Variants in ANKDD1B observed in about 807,000 individuals in gnomAD.
ANKDD1B encodes ankyrin repeat and death domain containing 1B, also known as ankyrin repeat and death domain-containing protein 1B.
Under a neutral mutation model 59.7 loss-of-function variants are expected in ANKDD1B, and 57 were observed. The observed-to-expected ratio is 0.95, with a 90% CI of 0.77 to 1.19. The LOEUF (loss-of-function observed/expected upper bound fraction) is 1.19. Among genes scored for constraint, ANKDD1B ranks in the 50% most tolerant of loss-of-function variants. ANKDD1B has a pLI of 0.00. For synonymous variants in ANKDD1B, 216 were observed against 239.5 expected (o/e 0.90, Z 0.91); for missense variants, 602 against 641.9 (o/e 0.94, Z 0.67).
intron 3 of ANKDD1B, among the ~76,000 whole-genome samples, chr5:75,624,745 T>C (rs1487111629): frequency 6.6e-6 from 1 of 152,338 alleles, no homozygotes; most frequent in African/African-American, 2.4e-5. Flanking sequence ...CATAGTCATA[T>C]CTATATTGAT....
chr5:75,659,455 A>G (rs1775060585), intron 10 of ANKDD1B, 74 bp downstream of exon 10: 1 of 1,052,528 alleles, frequency 9.5e-7, no homozygotes, highest in Non-Finnish European at 1.4e-6. Context: ...AGCCTTGAGC[A>G]GCGTTATTGG....
intron 9 of ANKDD1B, 32 bp downstream of exon 9, chr5:75,656,159 T>A: frequency 9.0e-7 from 1 of 1,110,684 alleles, no homozygotes; most frequent in Non-Finnish European, 1.3e-6. Context: ...CTGGAGGGTC[T>A]CTTTTCTTAG....
intron 7 of ANKDD1B, among the ~76,000 whole-genome samples, chr5:75,649,118 C>T (rs537859429): frequency 1.8e-4 from 27 of 151,872 alleles, no homozygotes; most frequent in Non-Finnish European, 3.8e-4. Flanking sequence ...GTCCTAAAAA[C>T]TCATTCCTGG....
chr5:75,648,798 G>T (rs1300773134), intron 7 of ANKDD1B, among the ~76,000 whole-genome samples: 1 of 152,158 alleles, frequency 6.6e-6, no homozygotes, highest in Non-Finnish European at 1.5e-5. Flanking sequence ...AGCCCGGGAT[G>T]GGTTGGACTT....
intron 10 of ANKDD1B, among the ~76,000 whole-genome samples, chr5:75,662,696 G>A (rs1268572290): frequency 6.6e-6 from 1 of 152,036 alleles, no homozygotes; most frequent in Non-Finnish European, 1.5e-5. Flanking sequence ...TGAGAAAAGT[G>A]TACCTTTTTG....
chr5:75,620,743 T>A (rs1174215269), intron 3 of ANKDD1B, among the ~76,000 whole-genome samples: 1 of 152,152 alleles, frequency 6.6e-6, no homozygotes, highest in Non-Finnish European at 1.5e-5. Flanking sequence ...CCCAGAGACA[T>A]CAAATATTGA....
intron 5 of ANKDD1B, among the ~76,000 whole-genome samples, chr5:75,626,599 G>C (rs992890960): frequency 2.0e-5 from 3 of 152,196 alleles, no homozygotes; most frequent in Non-Finnish European, 4.4e-5. Context: ...AGGAGAGGAA[G>C]TTGAGATTCA....
intron 7 of ANKDD1B, among the ~76,000 whole-genome samples, chr5:75,648,001 A>G (rs1327708977): frequency 1.5e-4 from 18 of 121,268 alleles, no homozygotes; most frequent in African/African-American, 3.7e-4. Context: ...CTATCACAAG[A>G]ACAAAAAACC....
chr5:75,632,343 A>G (rs1774188253), intron 5 of ANKDD1B, among the ~76,000 whole-genome samples: 1 of 152,212 alleles, frequency 6.6e-6, no homozygotes. Flanking sequence ...AGGGCTCTTT[A>G]TCTCTTCCTA....
At chr5:75,631,646 C>A (rs1774162876) in intron 5 of ANKDD1B, among the ~76,000 whole-genome samples, 1 of 152,246 alleles carries the variant, frequency 6.6e-6, no homozygotes, top group South Asian at 2.1e-4. Context: ...ATCTGGGGGT[C>A]CAAAGACAAT....
intron 5 of ANKDD1B, among the ~76,000 whole-genome samples, chr5:75,626,344 C>T (rs1189760124): frequency 6.6e-6 from 1 of 152,188 alleles, no homozygotes; most frequent in Non-Finnish European, 1.5e-5. Flanking sequence ...AAATACAATG[C>T]AGTTTTACTG....
chr5:75,653,281 G>A lies in ANKDD1B; in HGVS notation c.897+41G>A, dbSNP rs1034695675. On this transcript the variant is annotated intron_variant, in intron 8 of 13. Coordinates refer to ENST00000601380, the MANE Select transcript of ANKDD1B (RefSeq NM_001276713.2). ...TGACACGGGCTTTGGTCCTGGCGCC[G>A]TGAGGTTGGCTGTGTCAGGGAGATG... 5.5e-6 allele frequency: 8 copies of A among 1,446,152 alleles called. No individual in the cohort carries two copies. The African/African-American group carries it at 5.6e-5, about 10-fold the overall frequency. The allele number at this position is 1,446,152 out of a possible 1,614,324, so 89.6% of individuals were successfully genotyped here.
In ANKDD1B at chr5:75,671,344, G is replaced by C. The variant is rs1025893923; in HGVS notation, c.*304G>C. On this transcript the variant is annotated 3_prime_UTR_variant, in exon 14 of 14. Transcript: ENST00000601380. ...TCATGTTTTTTTAAAAAACTCATGGGAGCAGCATCATGGTACAGTAAAAAA... is the reference window on the plus strand; with the variant it reads ...TCATGTTTTTTTAAAAAACTCATGGCAGCAGCATCATGGTACAGTAAAAAA... 5 of 208,944 alleles carry C rather than the reference G, an allele frequency of 2.4e-5. No individual in the cohort carries two copies. Among genetic ancestry groups the C allele is most frequent in the Non-Finnish European group, 4.7e-5 (5 of 105,686 alleles). The allele number at this position is 208,944 out of a possible 1,614,324, so 12.9% of individuals were successfully genotyped here.
At chr5:75,666,105 T>C (rs1775299139) in intron 11 of ANKDD1B, among the ~76,000 whole-genome samples, 1 of 152,168 alleles carries the variant, frequency 6.6e-6, no homozygotes, top group Non-Finnish European at 1.5e-5. Context: ...CCGGTGTTTG[T>C]GGTTTGATTC....
rs1296570292 is a variant in ANKDD1B, at chr5:75,634,955, A to T, written c.658A>T (p.Lys220Ter). ...GAGGGGCCATGTTGAAATGATAGAAAAACTTACCTTCCTAAACCTGCATAC... is the reference window on the plus strand; with the variant it reads ...GAGGGGCCATGTTGAAATGATAGAATAACTTACCTTCCTAAACCTGCATAC... Reference protein sequence around the residue: ...AERGHVEMIEKLTFLNLHTSE... With the variant: ...AERGHVEMIE The change falls in exon 6 of 14, where the codon AAA (lysine) becomes TAA (stop). Residue 220 changes from lysine (K) to a stop codon, truncating the protein, a stop_gained. Transcript: ENST00000601380. LOFTEE classifies it high-confidence loss of function. 6.5e-7 allele frequency: 1 copy of T among 1,535,890 alleles called. No homozygotes were observed. The highest frequency in any genetic ancestry group is 2.0e-5 in the Admixed American group (1 of 50,998).
intron 7 of ANKDD1B, among the ~76,000 whole-genome samples, chr5:75,639,379 T>C (rs929756242): frequency 1.3e-5 from 2 of 152,206 alleles, no homozygotes; most frequent in African/African-American, 2.4e-5. Context: ...GTATATTTGG[T>C]AGAGACAGGG....
chr5:75,650,913 A>G (rs1262679297), intron 7 of ANKDD1B, among the ~76,000 whole-genome samples: 7 of 152,338 alleles, frequency 4.6e-5, no homozygotes, highest in South Asian at 2.1e-4. Context: ...CCTGAGCCCA[A>G]TACCCAAGAG....
intron 12 of ANKDD1B, among the ~76,000 whole-genome samples, chr5:75,667,781 T>G (rs772290875): frequency 6.6e-6 from 1 of 152,184 alleles, no homozygotes; most frequent in Non-Finnish European, 1.5e-5. Context: ...CTCATGGACA[T>G]CCTAAGACGA....
chr5:75,614,590 G>C (rs1260839483), intron 1 of ANKDD1B, among the ~76,000 whole-genome samples: 1 of 152,128 alleles, frequency 6.6e-6, no homozygotes, highest in African/African-American at 2.4e-5. Context: ...TAAACACATG[G>C]CTTCCAGTGT....
Sources: gnomAD v4.1 joint callset for allele counts (sites outside exome capture counted in the v4.1 genomes callset) on GRCh38, gnomAD v4.1.1 for gene constraint, MANE v1.5 for transcripts, NCBI Gene and HGNC (gene_info 2026-07-23, HGNC 2026-07-21) for gene names.